The following PLBD1 variants were observed in gnomAD, a reference collection of about 807,000 sequenced individuals.
PLBD1 encodes phospholipase B domain containing 1.
In PLBD1, 60 loss-of-function variants were observed where a neutral mutation model predicts 63.0. That is an observed-to-expected ratio of 0.95 (90% CI 0.77 to 1.18). The LOEUF is 1.18. PLBD1 is among the 50% of genes most tolerant of loss of function. The pLI is 0.00. For synonymous variants in PLBD1, 262 were observed against 248.0 expected, an observed-to-expected ratio of 1.06 and a Z score of -0.53; for missense variants, 598 against 677.9, an observed-to-expected ratio of 0.88 and a Z score of 1.31.
rs142451852 is a variant in PLBD1, at chr12:14,551,345, A to G, written c.335+1848T>C. ...GCCACTGCACTCCAGCCTGGGCAACAGAGAGACTCTAACTCAAAACAAACA... is the reference window on the plus strand; with the variant it reads ...GCCACTGCACTCCAGCCTGGGCAACGGAGAGACTCTAACTCAAAACAAACA... On this transcript the variant is annotated intron_variant, in intron 2 of 10. Transcript: ENST00000240617. 5.3e-3 allele frequency among the ~76,000 whole-genome samples: 810 copies of G among 151,454 alleles called. 9 individuals are homozygous for G. The highest frequency in any genetic ancestry group is 0.019 in the African/African-American group (786 of 40,736).
chr12:14,524,229 T>G (rs942280017), intron 6 of PLBD1, among the ~76,000 whole-genome samples: 3 of 152,160 alleles, frequency 2.0e-5, no homozygotes, highest in Non-Finnish European at 4.4e-5. Flanking sequence ...AGTTGCGGTA[T>G]TCTATTGCAC....
chr12:14,562,361 G>A (rs1294475602), intron 1 of PLBD1, among the ~76,000 whole-genome samples: 2 of 149,916 alleles, frequency 1.3e-5, no homozygotes, highest in Non-Finnish European at 3.0e-5. Context: ...CTGGGAGGCT[G>A]AGGTAGGAGG....
intron 2 of PLBD1, among the ~76,000 whole-genome samples, chr12:14,545,545 A>G (rs1035736155): frequency 6.6e-6 from 1 of 152,200 alleles, no homozygotes; most frequent in Admixed American, 6.5e-5. Context: ...CACCCTCTGG[A>G]CTGAATATTT....
chr12:14,549,312 GGAGCTC>G (rs1251008563), intron 2 of PLBD1, among the ~76,000 whole-genome samples: 1 of 152,180 alleles, frequency 6.6e-6, no homozygotes, highest in Non-Finnish European at 1.5e-5. Context: ...GGAGAGAGAT[GGAGCTC>G]TAATCCAGTG....
At chr12:14,504,021 T>G (rs753577502) in intron 10 of PLBD1, 67 bp from the exon 11 acceptor site, 403 of 1,289,736 alleles carry the variant, frequency 3.1e-4, no homozygotes, top group Non-Finnish European at 4.1e-4. Context: ...ATCCATGGCC[T>G]TCCCCACTCT....
chr12:14,551,549 C>T (rs1448175577), intron 2 of PLBD1, among the ~76,000 whole-genome samples: 3 of 152,058 alleles, frequency 2.0e-5, no homozygotes, highest in Admixed American at 2.0e-4. Flanking sequence ...GATGTTAAAG[C>T]TTATTTTTTT....
At chr12:14,505,307 C>G (rs17403908) in intron 10 of PLBD1, among the ~76,000 whole-genome samples, 3,074 of 152,186 alleles carry the variant, frequency 0.02, 34 homozygotes, top group Middle Eastern at 0.034. Flanking sequence ...AGAATACACA[C>G]TTTACCCTGA....
chr12:14,538,241 T>G (rs1476388206), intron 4 of PLBD1, among the ~76,000 whole-genome samples: 2 of 152,136 alleles, frequency 1.3e-5, no homozygotes, highest in Non-Finnish European at 2.9e-5. Flanking sequence ...TTGCCCAGGC[T>G]GGAGTGCAAT....
Position 14,540,909 on chromosome 12 carries a change from G to A in PLBD1, c.420-7C>T. 6.3e-7 allele frequency: 1 copy of A among 1,589,630 alleles called. No homozygotes were observed. Among genetic ancestry groups the A allele is most frequent in the Non-Finnish European group, 8.6e-7 (1 of 1,162,470 alleles). On this transcript the variant is annotated splice_polypyrimidine_tract_variant and splice_region_variant and intron_variant, in intron 3 of 10. Coordinates refer to ENST00000240617, the MANE Select transcript of PLBD1 (RefSeq NM_024829.6). ...GGTCCACTTATCTTGCTTCCTGGAA[G>A]AGAAATTAGATTTGCACCACAGTCT...
Position 14,511,534 on chromosome 12 carries a change from T to C in PLBD1, c.1022A>G (p.Asp341Gly), listed in dbSNP as rs140930631. ...MMADSGKRWA[D>G]IFSKYNSGTY... is the part of the protein sequence containing the mutation. ...ACCAGAGTTGTATTTTGAAAAGATGTCTGCCCACCTCTTGCCACTATCTGC... is the reference window on the plus strand; with the variant it reads ...ACCAGAGTTGTATTTTGAAAAGATGCCTGCCCACCTCTTGCCACTATCTGC... The change falls in exon 7 of 11, where the codon GAC becomes GGC. Residue 341 changes from aspartate to glycine, a missense_variant. By Grantham distance (94) the Asp-to-Gly change is moderately conservative. Transcript: ENST00000240617. 25 of 1,614,218 alleles carry C rather than the reference T, an allele frequency of 1.5e-5. No homozygotes were observed. In the African/African-American group the frequency reaches 1.9e-4, roughly 12 times the overall value.
At chr12:14,516,011 T>C (rs1343889659) in intron 6 of PLBD1, among the ~76,000 whole-genome samples, 1 of 150,984 alleles carries the variant, frequency 6.6e-6, no homozygotes, top group Non-Finnish European at 1.5e-5. Context: ...CACTCCAGCC[T>C]GGGCAACAGA....
At chr12:14,547,601 T>C (rs1945625271) in intron 2 of PLBD1, among the ~76,000 whole-genome samples, 1 of 152,220 alleles carries the variant, frequency 6.6e-6, no homozygotes, top group Non-Finnish European at 1.5e-5. Flanking sequence ...TCCTGCAGTG[T>C]GTAAAGTCAG....
Position 14,539,549 on chromosome 12 carries a change from G to A in PLBD1, c.558+1215C>T, listed in dbSNP as rs147966270. Among the ~76,000 whole-genome samples the A allele has an allele frequency of 9.0e-3, 1,365 of 152,164 alleles. 11 individuals are homozygous for A. The highest frequency in any genetic ancestry group is 0.017 in the Admixed American group (256 of 15,288). On this transcript the variant is annotated intron_variant, in intron 4 of 10. Transcript: ENST00000240617. Reference sequence around the variant, plus strand: ...ACCTGTAATCCCAGCACTTTGGGAGGTTGAGGCGGATGGATCTTTTGAGGT... The same window carrying A: ...ACCTGTAATCCCAGCACTTTGGGAGATTGAGGCGGATGGATCTTTTGAGGT...
intron 6 of PLBD1, among the ~76,000 whole-genome samples, chr12:14,521,967 G>C (rs1473380327): frequency 6.6e-6 from 1 of 151,746 alleles, no homozygotes; most frequent in Non-Finnish European, 1.5e-5. Context: ...AAAAACTCTT[G>C]GAGCTGAAGA....
intron 6 of PLBD1, among the ~76,000 whole-genome samples, chr12:14,534,701 G>A (rs1351597466): frequency 1.3e-5 from 2 of 152,032 alleles, no homozygotes; most frequent in Admixed American, 6.6e-5. Flanking sequence ...CCGCCACCAC[G>A]CCTGGCTAAT....
At chr12:14,550,841 G>A (rs1345826190) in intron 2 of PLBD1, among the ~76,000 whole-genome samples, 1 of 150,912 alleles carries the variant, frequency 6.6e-6, no homozygotes, top group Non-Finnish European at 1.5e-5. Context: ...TCACGCCATC[G>A]CACTCTAGCC....
chr12:14,542,931 C>T (rs1274478055), intron 2 of PLBD1, among the ~76,000 whole-genome samples: 2 of 152,114 alleles, frequency 1.3e-5, no homozygotes, highest in African/African-American at 4.8e-5. Context: ...CCTGTAGTCC[C>T]AGCTACTCGG....
intron 4 of PLBD1, among the ~76,000 whole-genome samples, chr12:14,537,088 CAAAA>C (rs371859037): frequency 3.7e-5 from 2 of 53,414 alleles, no homozygotes; most frequent in East Asian, 6.1e-4. Flanking sequence ...GACCGCATCT[CAAAA>C]AAAAAAAAAA....
rs117710680 is a variant in PLBD1, at chr12:14,564,349, G to C, written c.115+3233C>G. Among the ~76,000 whole-genome samples, 25 of 152,264 alleles carry C rather than the reference G, an allele frequency of 1.6e-4. No homozygotes were observed. The East Asian group carries it at 4.4e-3, about 27-fold the overall frequency. On this transcript the variant is annotated intron_variant, in intron 1 of 10. Transcript: ENST00000240617. ...TGACAACCAGATAAAGGTATTAACTGTTATTCTCAAGTGGACACTGGTAAG... is the reference window on the plus strand; with the variant it reads ...TGACAACCAGATAAAGGTATTAACTCTTATTCTCAAGTGGACACTGGTAAG...
Sources: allele counts gnomAD v4.1 joint callset (sites outside exome capture counted in the v4.1 genomes callset), GRCh38; gene constraint gnomAD v4.1.1; transcripts MANE v1.5; gene names NCBI Gene and HGNC (gene_info 2026-07-23, HGNC 2026-07-21).